SYNE1: variants seen among roughly 807,000 people sequenced by gnomAD.
The protein encoded by SYNE1 is nesprin-1.
In SYNE1, 616 loss-of-function variants were observed where a neutral mutation model predicts 1,111.0. That is an observed-to-expected ratio of 0.55 (90% CI 0.52 to 0.59). The LOEUF (loss-of-function observed/expected upper bound fraction) is 0.59. Among genes scored for constraint, SYNE1 ranks in the 20% least tolerant of loss-of-function variants. The probability of loss-of-function intolerance (pLI) is 0.00; values close to 1 mark genes in which losing one functional copy is unlikely to be tolerated. For synonymous variants in SYNE1, 3,855 were observed against 3,825.8 expected (o/e 1.01, Z -0.28); for missense variants, 10,006 against 10,417.0 (o/e 0.96, Z 1.72).
chr6:152,539,953 C>T lies in SYNE1; in HGVS notation c.129+7G>A, dbSNP rs1219452466. On this transcript the variant is annotated splice_region_variant and intron_variant, in intron 4 of 145. Coordinates refer to ENST00000367255, the MANE Select transcript of SYNE1 (RefSeq NM_182961.4). ...GTAAACCTGTAATGCTGGGTAGTTT[C>T]CTTTACCTTGGCCAGATGAGAGTTG... is the stretch of plus-strand genomic sequence containing the variant. 1 of 1,613,828 alleles carries T rather than the reference C, an allele frequency of 6.2e-7. No homozygotes were observed. Among genetic ancestry groups the T allele is most frequent in the Admixed American group, 1.7e-5 (1 of 60,014 alleles).
At chr6:152,553,669 G>A (rs917193162) in intron 3 of SYNE1, among the ~76,000 whole-genome samples, 1 of 152,082 alleles carries the variant, frequency 6.6e-6, no homozygotes, top group Non-Finnish European at 1.5e-5. Context: ...ATGTTTATGG[G>A]AACTGGCTCA....
intron 51 of SYNE1, 21 bp from the exon 52 acceptor site, chr6:152,391,589 A>AAAAAAAG (rs748824944): frequency 5.6e-5 from 87 of 1,558,114 alleles, no homozygotes; most frequent in Middle Eastern, 2.0e-4. Flanking sequence ...GGAAAAAAAA[A>AAAAAAAG]AAAAAGAAAA....
chr6:152,134,914 T>A, intron 142 of SYNE1, 190 bp downstream of exon 142: 1 of 646,774 alleles, frequency 1.5e-6, no homozygotes, highest in Non-Finnish European at 2.6e-6. Flanking sequence ...CTAGCAGATA[T>A]CATCTTCTAT....
intron 100 of SYNE1, among the ~76,000 whole-genome samples, chr6:152,263,372 T>C (rs1246872984): frequency 6.6e-6 from 1 of 152,058 alleles, no homozygotes. Flanking sequence ...ATGTGACATC[T>C]GAGATTGGTA....
At chr6:152,448,921 G>A (rs1445523960) in intron 28 of SYNE1, among the ~76,000 whole-genome samples, 4 of 152,200 alleles carry the variant, frequency 2.6e-5, no homozygotes, top group Non-Finnish European at 5.9e-5. Flanking sequence ...CAGCAACTAT[G>A]TGGCAACTTT....
At chr6:152,373,568 C>A (rs926704285) in intron 58 of SYNE1, among the ~76,000 whole-genome samples, 1 of 152,124 alleles carries the variant, frequency 6.6e-6, no homozygotes, top group Non-Finnish European at 1.5e-5. Flanking sequence ...GCGTGAGCCA[C>A]CACACCCACC....
At chr6:152,243,249 C>A (rs1414854108) in intron 106 of SYNE1, among the ~76,000 whole-genome samples, 1 of 152,110 alleles carries the variant, frequency 6.6e-6, no homozygotes, top group East Asian at 1.9e-4. Flanking sequence ...ATATAATATC[C>A]TTAACATTTT....
intron 140 of SYNE1, among the ~76,000 whole-genome samples, chr6:152,137,153 C>T (rs1007153171): frequency 1.3e-5 from 2 of 152,024 alleles, no homozygotes; most frequent in African/African-American, 4.8e-5. Flanking sequence ...GAAGGTCTGC[C>T]ACATATTTCA....
At chr6:152,135,393 C>T (rs1255928123) in intron 141 of SYNE1, among the ~76,000 whole-genome samples, 161 bp from the exon 142 acceptor site, 1 of 152,182 alleles carries the variant, frequency 6.6e-6, no homozygotes, top group African/African-American at 2.4e-5. Flanking sequence ...ATGACCTGAT[C>T]GTGAGTTCAC....
chr6:152,551,297 G>A (rs2099345660), intron 3 of SYNE1, among the ~76,000 whole-genome samples: 1 of 152,130 alleles, frequency 6.6e-6, no homozygotes, highest in African/African-American at 2.4e-5. Flanking sequence ...AAGAATAGTG[G>A]GGGTGAGGAA....
In SYNE1 at chr6:152,458,829, C is replaced by G; in HGVS notation, c.2496G>C (p.Gly832=). Residue 832 remains glycine, a synonymous_variant, in exon 22 of 146, where the codon GGG becomes GGC. Coordinates refer to ENST00000367255, the MANE Select transcript of SYNE1 (RefSeq NM_182961.4). ...GAACTGTGATAATTTCATTGATTTT[C>G]CCAAGTGAGTCATAAAAGGACGTCA... The part of the protein sequence containing the change: ...KQMTSFYDSL[G]KINEIITVLE... The G allele has an allele frequency of 6.2e-7, 1 of 1,614,018 alleles. No individual in the cohort carries two copies. The highest frequency in any genetic ancestry group is 8.5e-7 in the Non-Finnish European group (1 of 1,179,982).
chr6:152,295,615 GACACAC>G (rs57149645), intron 93 of SYNE1, among the ~76,000 whole-genome samples: 1 of 150,472 alleles, frequency 6.6e-6, no homozygotes, highest in Non-Finnish European at 1.5e-5. Context: ...GTGTGTTACT[GACACAC>G]ACACACACAC....
intron 21 of SYNE1, among the ~76,000 whole-genome samples, chr6:152,461,077 G>C (rs1203644258): frequency 6.6e-6 from 1 of 152,090 alleles, no homozygotes; most frequent in African/African-American, 2.4e-5. Context: ...CTCCCAAAGT[G>C]CTGGATTATA....
chr6:152,437,562 T>G (rs1306824854), intron 32 of SYNE1, among the ~76,000 whole-genome samples: 3 of 152,112 alleles, frequency 2.0e-5, no homozygotes, highest in African/African-American at 4.8e-5. Flanking sequence ...TTGAAAATAC[T>G]TATTTTCAAC....
intron 140 of SYNE1, among the ~76,000 whole-genome samples, chr6:152,138,309 G>A (rs1025927523): frequency 4.6e-5 from 7 of 151,848 alleles, no homozygotes; most frequent in Non-Finnish European, 7.4e-5. Flanking sequence ...TCAGGAATTC[G>A]AGACCAGCCT....
At chr6:152,243,142 T>C (rs1208878645) in intron 106 of SYNE1, among the ~76,000 whole-genome samples, 2 of 152,196 alleles carry the variant, frequency 1.3e-5, no homozygotes, top group Non-Finnish European at 2.9e-5. Context: ...GGTAAAACTG[T>C]TGAAAAACTG....
chr6:152,502,449 T>G (rs962928572), intron 10 of SYNE1, among the ~76,000 whole-genome samples, 184 bp downstream of exon 10: 2 of 152,192 alleles, frequency 1.3e-5, no homozygotes, highest in Non-Finnish European at 2.9e-5. Context: ...CTCTAATATA[T>G]CCAACATACA....
intron 3 of SYNE1, among the ~76,000 whole-genome samples, chr6:152,608,245 A>G (rs1405490105): frequency 1.3e-5 from 2 of 152,230 alleles, no homozygotes; most frequent in South Asian, 4.1e-4. Context: ...TCTCTCTTCA[A>G]AGGCACATAA....
At chr6:152,539,553 C>T (rs975119897) in intron 4 of SYNE1, among the ~76,000 whole-genome samples, 1 of 152,132 alleles carries the variant, frequency 6.6e-6, no homozygotes, top group Non-Finnish European at 1.5e-5. Flanking sequence ...AGCACTGATA[C>T]TATCATAATA....
Sources: allele counts gnomAD v4.1 joint callset (sites outside exome capture counted in the v4.1 genomes callset), GRCh38; gene constraint gnomAD v4.1.1; transcripts MANE v1.5; gene names NCBI Gene and HGNC (gene_info 2026-07-23, HGNC 2026-07-21).